USH2A: variants seen among roughly 807,000 people sequenced by gnomAD.
USH2A encodes the protein Usher syndrome 2A (autosomal recessive, mild).
A neutral mutation model predicts 538.9 loss-of-function variants in USH2A; 443 were observed. The ratio of observed to expected loss-of-function variants is 0.82; its 90% CI spans 0.76 to 0.89. The LOEUF (loss-of-function observed/expected upper bound fraction) is 0.89, where lower values mean the gene tolerates loss of function less well. Ranked by LOEUF, USH2A falls within the 40% of genes least tolerant of loss-of-function variation. USH2A has a pLI of 0.00. For missense variants in USH2A, 6,633 were observed against 6,324.8 expected, an observed-to-expected ratio of 1.05 and a Z score of -1.65; for synonymous variants, 2,413 against 2,273.5, an observed-to-expected ratio of 1.06 and a Z score of -1.75.
intron 61 of USH2A, among the ~76,000 whole-genome samples, chr1:215,688,937 G>A (rs1467356383): frequency 3.9e-5 from 6 of 152,030 alleles, no homozygotes; most frequent in Non-Finnish European, 5.9e-5. Context: ...GGTAATAGTG[G>A]CTTGGACTAG....
intron 38 of USH2A, among the ~76,000 whole-genome samples, chr1:215,906,084 C>T (rs759968713): frequency 2.6e-5 from 4 of 151,974 alleles, no homozygotes; most frequent in Non-Finnish European, 5.9e-5. Context: ...AGGCAAGACT[C>T]GATTTCCAGT....
chr1:216,223,803 C>A (rs938573980), intron 14 of USH2A, among the ~76,000 whole-genome samples: 1 of 152,172 alleles, frequency 6.6e-6, no homozygotes, highest in South Asian at 2.1e-4. Context: ...AAGTTATCTG[C>A]TTTCATCTGA....
chr1:216,203,495 T>G (rs935465598), intron 16 of USH2A, among the ~76,000 whole-genome samples: 1 of 152,028 alleles, frequency 6.6e-6, no homozygotes, highest in African/African-American at 2.4e-5. Flanking sequence ...TGACCATGAG[T>G]AACAAACTGC....
chr1:215,761,305 C>G (rs1660974959), intron 56 of USH2A, among the ~76,000 whole-genome samples: 1 of 152,198 alleles, frequency 6.6e-6, no homozygotes, highest in Non-Finnish European at 1.5e-5. Flanking sequence ...TTTTAGCACT[C>G]TCTTAACTCT....
intron 30 of USH2A, among the ~76,000 whole-genome samples, chr1:216,059,709 T>TA (rs1280919736): frequency 6.6e-6 from 1 of 152,236 alleles, no homozygotes; most frequent in Non-Finnish European, 1.5e-5. Flanking sequence ...CTCTCACTTT[T>TA]ATATGAACCT....
At chr1:216,319,153 G>A (rs1463092792) in intron 9 of USH2A, among the ~76,000 whole-genome samples, 1 of 152,102 alleles carries the variant, frequency 6.6e-6, no homozygotes, top group Admixed American at 6.6e-5. Context: ...TTTTTTAATT[G>A]GGGTGTTAGT....
intron 4 of USH2A, among the ~76,000 whole-genome samples, chr1:216,349,958 G>A (rs1421390086): frequency 6.6e-6 from 1 of 152,102 alleles, no homozygotes; most frequent in Non-Finnish European, 1.5e-5. Flanking sequence ...AAGAGGGTTA[G>A]TTGACTCATA....
chr1:215,650,853 G>GAAAAAAAA lies in USH2A; in HGVS notation c.14134-60_14134-53dup. 2.4e-6 allele frequency: 3 copies of GAAAAAAAA among 1,232,024 alleles called. No individual in the cohort carries two copies. In the South Asian group the frequency reaches 4.2e-5, roughly 17 times the overall value. 76.3% of individuals were successfully genotyped at this position (1,232,024 alleles called of 1,614,324 possible). ...CAAAAGCAAGATACCCTAAGGCTGG[G>GAAAAAAAA]AAAAAAAAAAAAAAAAGAAAGGAAA... On this transcript the variant is annotated intron_variant, in intron 64 of 71. Transcript: ENST00000307340.
chr1:216,082,104 G>A (rs1558248957), intron 26 of USH2A, among the ~76,000 whole-genome samples: 1 of 152,026 alleles, frequency 6.6e-6, no homozygotes, highest in Non-Finnish European at 1.5e-5. Context: ...TGCACATGTA[G>A]ATGACTCAAC....
intron 61 of USH2A, among the ~76,000 whole-genome samples, chr1:215,702,224 C>T (rs990168267): frequency 4.6e-5 from 7 of 152,060 alleles, no homozygotes; most frequent in East Asian, 1.9e-4. Flanking sequence ...GTAGGTAACC[C>T]GACCTTTGTC....
chr1:216,149,209 T>C (rs1035812579), intron 21 of USH2A, among the ~76,000 whole-genome samples: 1 of 152,170 alleles, frequency 6.6e-6, no homozygotes, highest in Non-Finnish European at 1.5e-5. Context: ...TGCCGCTGCT[T>C]TAATACTGTT....
At chr1:216,286,699 G>T (rs1208354337) in intron 11 of USH2A, among the ~76,000 whole-genome samples, 1 of 152,046 alleles carries the variant, frequency 6.6e-6, no homozygotes. Context: ...ACTCCAGCCT[G>T]GGTGACAGAG....
chr1:215,889,604 A>C (rs1665158387), intron 40 of USH2A, among the ~76,000 whole-genome samples: 1 of 152,148 alleles, frequency 6.6e-6, no homozygotes, highest in South Asian at 2.1e-4. Flanking sequence ...GCGATTTTTT[A>C]CTGTGGCTGT....
At chr1:215,821,795 G>A (rs1663024360) in intron 47 of USH2A, among the ~76,000 whole-genome samples, 1 of 151,744 alleles carries the variant, frequency 6.6e-6, no homozygotes, top group Non-Finnish European at 1.5e-5. Flanking sequence ...AATGCGGTAA[G>A]AGATAGGGGT....
intron 32 of USH2A, among the ~76,000 whole-genome samples, chr1:216,043,735 T>G (rs780498606): frequency 6.6e-6 from 1 of 152,086 alleles, no homozygotes; most frequent in Non-Finnish European, 1.5e-5. Context: ...ACACTGCCCT[T>G]TTTCCGGTTT....
chr1:216,393,336 T>G (rs138710827), intron 3 of USH2A, among the ~76,000 whole-genome samples: 319 of 152,312 alleles, frequency 2.1e-3, no homozygotes, highest in African/African-American at 7.6e-3. Flanking sequence ...ATGTATGAAT[T>G]GAAATTTAAT....
At chr1:215,841,207 A>G (rs1227423673) in intron 46 of USH2A, among the ~76,000 whole-genome samples, 2 of 152,206 alleles carry the variant, frequency 1.3e-5, no homozygotes, top group African/African-American at 4.8e-5. Context: ...TAAAGTTCAT[A>G]TGGAACCAAA....
intron 32 of USH2A, among the ~76,000 whole-genome samples, chr1:216,001,809 T>C (rs7529957): frequency 0.15 from 23,205 of 152,132 alleles, 1,946 homozygotes; most frequent in Middle Eastern, 0.22. Flanking sequence ...TACAATCAAT[T>C]GGTTAAACAT....
Position 215,965,423 on chromosome 1 carries a change from T to G in USH2A, c.7014A>C (p.Lys2338Asn), listed in dbSNP as rs1175559641. Residue 2338 changes from lysine (K) to asparagine (N), a missense_variant, in exon 37 of 72, where the codon AAA (lysine) becomes AAC (asparagine). Lys to Asn is a moderately conservative substitution (Grantham distance 94). Coordinates refer to ENST00000307340, the MANE Select transcript of USH2A (RefSeq NM_206933.4). ...PPEGTVNVFV[K>N]TQGSRKAHVR... The stretch of plus-strand genomic sequence containing the variant: ...CGTGGGCTTTCCGGGATCCCTGTGT[T>G]TTGACAAACACATTTACTGTTCCTT... The G allele has an allele frequency of 3.1e-6, 5 of 1,613,722 alleles. No individual in the cohort carries two copies. The highest frequency in any genetic ancestry group is 2.5e-6 in the Non-Finnish European group (3 of 1,179,810).
Sources: gnomAD v4.1 joint callset for allele counts (sites outside exome capture counted in the v4.1 genomes callset) on GRCh38, gnomAD v4.1.1 for gene constraint, MANE v1.5 for transcripts, NCBI Gene and HGNC (gene_info 2026-07-23, HGNC 2026-07-21) for gene names.